WDR7: variants seen among roughly 807,000 people sequenced by gnomAD.
WDR7 encodes the protein WD repeat domain 7, also known as WD repeat-containing protein 7.
Under a neutral mutation model 169.4 loss-of-function variants are expected in WDR7, and 46 were observed. That is an observed-to-expected ratio of 0.27 (90% CI 0.21 to 0.35). The LOEUF is 0.35. Among genes scored for constraint, WDR7 ranks in the 10% least tolerant of loss-of-function variants. The pLI is 1.00. For synonymous variants in WDR7, 612 were observed against 666.8 expected (o/e 0.92, Z 1.27); for missense variants, 1,534 against 1,859.3 (o/e 0.83, Z 3.22).
At chr18:56,693,285 G>A (rs2025617345) in intron 9 of WDR7, among the ~76,000 whole-genome samples, 2 of 152,090 alleles carry the variant, frequency 1.3e-5, no homozygotes, top group South Asian at 4.1e-4. Context: ...TATTTGTGAA[G>A]TAATCCTCCG....
intron 14 of WDR7, among the ~76,000 whole-genome samples, chr18:56,755,316 A>G (rs931010767): frequency 2.2e-4 from 33 of 152,128 alleles, no homozygotes; most frequent in African/African-American, 8.0e-4. Context: ...GTTTTTAAGA[A>G]TTTTGTATTG....
Position 56,677,997 on chromosome 18 carries a change from A to G in WDR7, c.160-1335A>G, listed in dbSNP as rs1425221375. ...TTGACTGTATATTTTCAAATAGGCC[A>G]TCTTCAAGCTCACTATTTCTTTTCT... is the stretch of plus-strand genomic sequence containing the variant. On this transcript the variant is annotated intron_variant, in intron 2 of 27. Transcript: ENST00000254442. 3.3e-5 allele frequency among the ~76,000 whole-genome samples: 5 copies of G among 152,258 alleles called. No individual in the cohort carries two copies. In the East Asian group the frequency reaches 9.7e-4, roughly 29 times the overall value.
chr18:56,780,671 A>G (rs1053165900), intron 18 of WDR7, among the ~76,000 whole-genome samples: 4 of 152,114 alleles, frequency 2.6e-5, no homozygotes, highest in African/African-American at 9.7e-5. Flanking sequence ...GTGGTGGCAT[A>G]CGCCTGTAGT....
intron 27 of WDR7, among the ~76,000 whole-genome samples, chr18:57,025,270 G>A (rs1006416217): frequency 2.0e-5 from 3 of 152,218 alleles, no homozygotes; most frequent in Admixed American, 6.5e-5. Flanking sequence ...TTTATCAACT[G>A]AGAAATTAGA....
chr18:56,957,587 A>C (rs2047271500), intron 25 of WDR7: 2 of 152,154 alleles, frequency 1.3e-5, no homozygotes, highest in South Asian at 4.1e-4. Flanking sequence ...ATTCCTAAAA[A>C]CAACTCAATA....
intron 22 of WDR7, among the ~76,000 whole-genome samples, chr18:56,934,127 A>G (rs537538624): frequency 1.3e-5 from 2 of 152,356 alleles, no homozygotes; most frequent in South Asian, 4.1e-4. Context: ...ACATTGATGG[A>G]TGAAAAGAAG....
chr18:56,685,946 C>T lies in WDR7; in HGVS notation c.521-10C>T. On this transcript the variant is annotated splice_polypyrimidine_tract_variant and intron_variant, in intron 5 of 27. Coordinates refer to ENST00000254442, the MANE Select transcript of WDR7 (RefSeq NM_015285.3). ...AACCTGGGCTGCTTTTTTGTCCCTT[C>T]TCATTTTAGAGGACACAGTGGTAGC... 1.3e-6 allele frequency: 2 copies of T among 1,593,090 alleles called. No individual in the cohort carries two copies. The highest frequency in any genetic ancestry group is 1.7e-6 in the Non-Finnish European group (2 of 1,173,014).
chr18:56,700,443 G>A (rs927447784), intron 12 of WDR7, among the ~76,000 whole-genome samples: 5 of 151,326 alleles, frequency 3.3e-5, no homozygotes, highest in African/African-American at 7.3e-5. Context: ...TTTTAGTAGA[G>A]ACAGGGTTTC....
At chr18:56,807,884 G>T (rs930745378) in intron 19 of WDR7, among the ~76,000 whole-genome samples, 1 of 152,118 alleles carries the variant, frequency 6.6e-6, no homozygotes, top group African/African-American at 2.4e-5. Flanking sequence ...TCTTTATTCA[G>T]AATAAGGGAT....
At chr18:56,880,230 C>A in intron 21 of WDR7, 65 bp downstream of exon 21, 1 of 1,459,514 alleles carries the variant, frequency 6.9e-7, no homozygotes, top group Non-Finnish European at 9.4e-7. Flanking sequence ...TCAGCAAAAT[C>A]TCATAACATT....
At chr18:57,001,447 A>G (rs1449246675) in intron 26 of WDR7, among the ~76,000 whole-genome samples, 1 of 152,062 alleles carries the variant, frequency 6.6e-6, no homozygotes. Flanking sequence ...AGCCTTTTGC[A>G]TGTTCATTTC....
intron 16 of WDR7, among the ~76,000 whole-genome samples, chr18:56,763,763 G>C (rs1032720713): frequency 5.3e-5 from 8 of 152,060 alleles, no homozygotes; most frequent in African/African-American, 9.7e-5. Context: ...AAGTATTATA[G>C]ATATAGGGCT....
intron 25 of WDR7, among the ~76,000 whole-genome samples, chr18:56,946,262 C>T (rs1335083919): frequency 1.3e-5 from 2 of 152,270 alleles, no homozygotes; most frequent in African/African-American, 4.8e-5. Flanking sequence ...ATTAGGCCTG[C>T]CATTTGCATG....
intron 1 of WDR7, among the ~76,000 whole-genome samples, chr18:56,669,695 T>G (rs1460411896): frequency 6.6e-6 from 1 of 152,132 alleles, no homozygotes; most frequent in African/African-American, 2.4e-5. Flanking sequence ...TAATTTTATT[T>G]GAGAGTTTCT....
intron 5 of WDR7, 132 bp from the exon 6 acceptor site, chr18:56,685,824 A>G: frequency 4.3e-6 from 3 of 698,504 alleles, no homozygotes; most frequent in Non-Finnish European, 4.7e-6. Context: ...TTCATGAAAT[A>G]GAGAATTATG....
intron 16 of WDR7, among the ~76,000 whole-genome samples, chr18:56,766,783 A>G (rs1378534515): frequency 2.6e-5 from 4 of 152,126 alleles, no homozygotes; most frequent in Non-Finnish European, 4.4e-5. Context: ...GTCTCTACCT[A>G]ACTGCTTTGA....
Position 57,001,388 on chromosome 18 carries a change from T to C in WDR7, c.4165-19357T>C, listed in dbSNP as rs570314787. Among the ~76,000 whole-genome samples, 18 of 152,096 alleles carry C rather than the reference T, an allele frequency of 1.2e-4. No individual in the cohort carries two copies. The South Asian group carries it at 3.5e-3, about 30-fold the overall frequency. On this transcript the variant is annotated intron_variant, in intron 26 of 27. Transcript: ENST00000254442. ...TGTCGGTTGAGACCTGATGGAAAAC[T>C]TGAAAATGCGTTCTGGGGAACAGCC... is the stretch of plus-strand genomic sequence containing the variant.
intron 21 of WDR7, among the ~76,000 whole-genome samples, chr18:56,915,958 G>A (rs918754308): frequency 3.3e-5 from 5 of 151,924 alleles, no homozygotes; most frequent in African/African-American, 1.2e-4. Flanking sequence ...ATTTTCCTCC[G>A]TCAGCCTCCT....
chr18:56,891,554 T>TTACGA (rs2046264291), intron 21 of WDR7, among the ~76,000 whole-genome samples: 1 of 49,898 alleles, frequency 2.0e-5, no homozygotes, highest in Non-Finnish European at 5.4e-5. Flanking sequence ...AATCTGTATA[T>TTACGA]AGTTTTTAAT....
Sources: gnomAD v4.1 joint callset for allele counts (sites outside exome capture counted in the v4.1 genomes callset) on GRCh38, gnomAD v4.1.1 for gene constraint, MANE v1.5 for transcripts, NCBI Gene and HGNC (gene_info 2026-07-23, HGNC 2026-07-21) for gene names.